The following WDR49 variants were observed in gnomAD, a reference collection of about 807,000 sequenced individuals.
WDR49 encodes the protein WD repeat domain 49, also known as cilia- and flagella-associated protein 337.
Under a neutral mutation model 119.5 loss-of-function variants are expected in WDR49, and 107 were observed. The ratio of observed to expected loss-of-function variants is 0.90; its 90% CI spans 0.77 to 1.05. The LOEUF is 1.05. Among genes scored for constraint, WDR49 ranks in the 50% least tolerant of loss-of-function variants. The pLI is 0.00. For missense variants in WDR49, 1,240 were observed against 1,220.5 expected (o/e 1.02, Z -0.24); for synonymous variants, 425 against 418.8 (o/e 1.01, Z -0.18).
At chr3:167,578,873 T>G (rs1248069998) in intron 7 of WDR49, among the ~76,000 whole-genome samples, 1 of 152,202 alleles carries the variant, frequency 6.6e-6, no homozygotes, top group Non-Finnish European at 1.5e-5. Flanking sequence ...AAGCCAGATG[T>G]CTACTATCCT....
intron 7 of WDR49, among the ~76,000 whole-genome samples, chr3:167,600,955 A>T (rs1485074245): frequency 6.6e-6 from 1 of 152,194 alleles, no homozygotes; most frequent in African/African-American, 2.4e-5. Flanking sequence ...AGAATTTGAG[A>T]GTTCATATTT....
intron 7 of WDR49, among the ~76,000 whole-genome samples, chr3:167,582,786 A>G (rs1316868783): frequency 6.6e-6 from 1 of 152,016 alleles, no homozygotes; most frequent in Non-Finnish European, 1.5e-5. Context: ...ATCTCTACTA[A>G]AACTACAAAA....
intron 11 of WDR49, among the ~76,000 whole-genome samples, chr3:167,536,188 T>C (rs1264210025): frequency 3.3e-5 from 5 of 152,084 alleles, no homozygotes; most frequent in Non-Finnish European, 7.4e-5. Flanking sequence ...TTAACAATAA[T>C]GTATTGTATA....
chr3:167,603,204 T>C (rs182786816), intron 6 of WDR49, among the ~76,000 whole-genome samples: 5 of 152,266 alleles, frequency 3.3e-5, no homozygotes, highest in Non-Finnish European at 4.4e-5. Flanking sequence ...AACAACACAA[T>C]ACTCTTTGTT....
intron 2 of WDR49, among the ~76,000 whole-genome samples, chr3:167,631,587 G>A (rs554293566): frequency 2.0e-5 from 3 of 152,182 alleles, no homozygotes; most frequent in African/African-American, 4.8e-5. Flanking sequence ...TTAGCTTCAC[G>A]TTGATGGGCT....
rs775727457 is a variant in WDR49 at position 167,522,306 on chromosome 3, A to G, written c.2774+9T>C. Reference sequence around the variant, plus strand: ...AGTTGACATCTGGCTAATGTTCAAAATTACTTACTTGTATGTTGAGTCATC... The same window carrying G: ...AGTTGACATCTGGCTAATGTTCAAAGTTACTTACTTGTATGTTGAGTCATC... On this transcript the variant is annotated intron_variant, in intron 16 of 18. Coordinates refer to ENST00000682715, the MANE Select transcript of WDR49 (RefSeq NM_001366157.1). 2 of 1,568,894 alleles carry G rather than the reference A, an allele frequency of 1.3e-6. No homozygotes were observed. Among genetic ancestry groups the G allele is most frequent in the South Asian group, 1.2e-5 (1 of 83,066 alleles).
At chr3:167,532,653 A>G (rs909230185) in intron 12 of WDR49, among the ~76,000 whole-genome samples, 2 of 152,198 alleles carry the variant, frequency 1.3e-5, no homozygotes, top group African/African-American at 2.4e-5. Context: ...AGAAATACCA[A>G]TGTAGCATAA....
chr3:167,505,021 T>C (rs1282737812), intron 17 of WDR49, among the ~76,000 whole-genome samples: 6 of 152,214 alleles, frequency 3.9e-5, no homozygotes, highest in African/African-American at 1.2e-4. Flanking sequence ...CTTTTTCTTT[T>C]TAAATAAATT....
chr3:167,649,080 G>A (rs527488523), intron 2 of WDR49, among the ~76,000 whole-genome samples: 48 of 152,174 alleles, frequency 3.2e-4, no homozygotes, highest in African/African-American at 1.1e-3. Context: ...CTGGGGAAAG[G>A]GAGTGAAACA....
intron 10 of WDR49, among the ~76,000 whole-genome samples, chr3:167,553,151 T>C (rs1712675508): frequency 6.6e-6 from 1 of 152,108 alleles, no homozygotes; most frequent in African/African-American, 2.4e-5. Flanking sequence ...TGATTTAGAA[T>C]ATATAATTTT....
At chr3:167,494,074 A>G (rs1045169187) in intron 18 of WDR49, among the ~76,000 whole-genome samples, 1 of 152,170 alleles carries the variant, frequency 6.6e-6, no homozygotes, top group East Asian at 1.9e-4. Flanking sequence ...TCAAAATCAT[A>G]ATAGACATCA....
intron 10 of WDR49, among the ~76,000 whole-genome samples, chr3:167,552,505 C>A (rs556431876): frequency 6.6e-6 from 1 of 152,040 alleles, no homozygotes; most frequent in East Asian, 1.9e-4. Flanking sequence ...GAGGGAGAAC[C>A]AGAGTGGATG....
At chr3:167,593,511 G>A (rs1715246283) in intron 7 of WDR49, among the ~76,000 whole-genome samples, 1 of 151,554 alleles carries the variant, frequency 6.6e-6, no homozygotes, top group Admixed American at 6.6e-5. Context: ...TTCCTTCTCT[G>A]TGTTATCTTG....
chr3:167,502,246 T>C (rs1262609324), intron 17 of WDR49, among the ~76,000 whole-genome samples: 1 of 152,184 alleles, frequency 6.6e-6, no homozygotes, highest in African/African-American at 2.4e-5. Flanking sequence ...GGTGGGCAAA[T>C]GTTGGTGCCA....
At chr3:167,576,280 T>C (rs1450488435) in intron 7 of WDR49, 129 bp from the exon 8 acceptor site, 2 of 706,586 alleles carry the variant, frequency 2.8e-6, no homozygotes, top group Non-Finnish European at 4.7e-6. Context: ...TAATTGGTTC[T>C]CAATTCTGCC....
chr3:167,587,102 T>C (rs1289958455), intron 7 of WDR49, among the ~76,000 whole-genome samples: 1 of 152,192 alleles, frequency 6.6e-6, no homozygotes, highest in Non-Finnish European at 1.5e-5. Context: ...TTTCATATAT[T>C]ATATTTAACA....
In WDR49 at chr3:167,516,953, G is replaced by A. The variant is rs896181165; in HGVS notation, c.2774+5362C>T. Among the ~76,000 whole-genome samples, 7 of 152,076 alleles carry A rather than the reference G, an allele frequency of 4.6e-5. No individual in the cohort carries two copies. In the South Asian group the frequency reaches 1.0e-3, roughly 23 times the overall value. Reference sequence around the variant, plus strand: ...AAAGAAGACATTTATGCAGCCAAAAGACACATGAAAAAATGCTCATCATCA... The same window carrying A: ...AAAGAAGACATTTATGCAGCCAAAAAACACATGAAAAAATGCTCATCATCA... On this transcript the variant is annotated intron_variant, in intron 16 of 18. Coordinates refer to ENST00000682715, the MANE Select transcript of WDR49 (RefSeq NM_001366157.1).
intron 8 of WDR49, among the ~76,000 whole-genome samples, chr3:167,560,507 T>C (rs529492529): frequency 6.6e-6 from 1 of 152,300 alleles, no homozygotes; most frequent in Admixed American, 6.5e-5. Flanking sequence ...CGAAATCAAA[T>C]TCTGAAAATA....
In WDR49 at chr3:167,503,427, CTTG is replaced by C. The variant is rs1201422694; in HGVS notation, c.2884+1877_2884+1879del. On this transcript the variant is annotated intron_variant, in intron 17 of 18. Transcript: ENST00000682715. Reference sequence around the variant, plus strand: ...CCACTTCCAAGATGGTGGTAAGCCTCTTGTTGTCTGACCTGGGGTTCTTGGCCT... The same window carrying C: ...CCACTTCCAAGATGGTGGTAAGCCTCTTGTCTGACCTGGGGTTCTTGGCCT... Among the ~76,000 whole-genome samples, 14 of 152,184 alleles carry C rather than the reference CTTG, an allele frequency of 9.2e-5. No individual in the cohort carries two copies. The South Asian group carries it at 2.1e-3, about 23-fold the overall frequency.
Sources: gnomAD v4.1 joint callset for allele counts (sites outside exome capture counted in the v4.1 genomes callset) on GRCh38, gnomAD v4.1.1 for gene constraint, MANE v1.5 for transcripts, NCBI Gene and HGNC (gene_info 2026-07-23, HGNC 2026-07-21) for gene names.